Variants in TNFSF4 observed in about 807,000 individuals in gnomAD.
TNFSF4 encodes TNF superfamily member 4.
Under a neutral mutation model 7.3 loss-of-function variants are expected in TNFSF4, and 4 were observed. The ratio of observed to expected loss-of-function variants is 0.55; its 90% CI spans 0.27 to 1.25. The LOEUF is 1.25. Ranked by LOEUF, TNFSF4 falls within the 50% of genes most tolerant of loss-of-function variation. TNFSF4 has a pLI of 0.12. For missense variants in TNFSF4, 181 were observed against 208.8 expected (o/e 0.87, Z 0.82); for synonymous variants, 76 against 83.7 (o/e 0.91, Z 0.50).
chr1:173,338,354 G>A, the TNFSF4 span, among the ~76,000 whole-genome samples: 1 of 152,162 alleles, frequency 6.6e-6, no homozygotes, highest in East Asian at 1.9e-4. Flanking sequence ...CACTGCCATG[G>A]TATTTCAAAC....
the TNFSF4 span, chr1:173,363,019 T>C: frequency 2.6e-6 from 1 of 390,198 alleles, no homozygotes; most frequent in Non-Finnish European, 5.1e-6. Context: ...TGCCTTATCT[T>C]CAATAATAAG....
the TNFSF4 span, among the ~76,000 whole-genome samples, chr1:173,251,164 C>T: frequency 3.3e-5 from 5 of 152,140 alleles, no homozygotes; most frequent in African/African-American, 1.2e-4. Flanking sequence ...ACTATAAAGC[C>T]GCCAGGTGTT....
chr1:173,282,302 AC>A, the TNFSF4 span, among the ~76,000 whole-genome samples: 1 of 152,026 alleles, frequency 6.6e-6, no homozygotes, highest in African/African-American at 2.4e-5. Flanking sequence ...TATCATATGC[AC>A]CCCATAAGTA....
chr1:173,356,344 T>C, the TNFSF4 span, among the ~76,000 whole-genome samples: 1 of 152,112 alleles, frequency 6.6e-6, no homozygotes, highest in Non-Finnish European at 1.5e-5. Flanking sequence ...AGAAGAAAAA[T>C]TGTCTCTTCT....
chr1:173,439,056 G>C, the TNFSF4 span, among the ~76,000 whole-genome samples: 2 of 152,212 alleles, frequency 1.3e-5, no homozygotes, highest in Non-Finnish European at 2.9e-5. Context: ...AGAGAGAGGA[G>C]AGCTCTGTAT....
the TNFSF4 span, among the ~76,000 whole-genome samples, chr1:173,391,453 A>C: frequency 6.3e-5 from 7 of 111,454 alleles, no homozygotes; most frequent in Admixed American, 8.6e-5. Context: ...AAAAAAAAAA[A>C]AAAAAAAAAA....
the TNFSF4 span, among the ~76,000 whole-genome samples, chr1:173,384,007 C>A: frequency 1.3e-5 from 2 of 152,158 alleles, no homozygotes; most frequent in South Asian, 4.1e-4. Context: ...ATCTTCTTTA[C>A]CCCCCATTTT....
chr1:173,381,942 C>T, the TNFSF4 span, among the ~76,000 whole-genome samples: 3 of 152,160 alleles, frequency 2.0e-5, no homozygotes, highest in Non-Finnish European at 4.4e-5. Context: ...TGTAAGTGCA[C>T]CAATCAGTGC....
chr1:173,316,972 C>T, the TNFSF4 span, among the ~76,000 whole-genome samples: 2 of 152,264 alleles, frequency 1.3e-5, no homozygotes, highest in Non-Finnish European at 1.5e-5. Flanking sequence ...CATTGACAGT[C>T]CCATCTCTGT....
chr1:173,317,223 G>A, the TNFSF4 span, among the ~76,000 whole-genome samples: 3 of 152,192 alleles, frequency 2.0e-5, no homozygotes, highest in Non-Finnish European at 2.9e-5. Flanking sequence ...CAAGGAGCCA[G>A]ATACATGACT....
the TNFSF4 span, among the ~76,000 whole-genome samples, chr1:173,389,566 T>C: frequency 1.3e-5 from 2 of 152,146 alleles, no homozygotes; most frequent in South Asian, 4.1e-4. Context: ...AGCCTGACTT[T>C]ATAATATAGC....
At chr1:173,204,506 G>A (rs1296028684) in intron 1 of TNFSF4, among the ~76,000 whole-genome samples, 1 of 152,142 alleles carries the variant, frequency 6.6e-6, no homozygotes, top group Non-Finnish European at 1.5e-5. Flanking sequence ...AGCTATATCT[G>A]TATTTACAGA....
chr1:173,303,921 C>A, the TNFSF4 span, among the ~76,000 whole-genome samples: 2 of 151,810 alleles, frequency 1.3e-5, no homozygotes, highest in South Asian at 4.1e-4. Context: ...GTGAAAATAT[C>A]ATAATTATTT....
the TNFSF4 span, among the ~76,000 whole-genome samples, chr1:173,228,783 G>A: frequency 7.9e-5 from 12 of 152,204 alleles, no homozygotes; most frequent in African/African-American, 2.7e-4. Flanking sequence ...AGTGACGAAT[G>A]TGCAAGCTTC....
chr1:173,276,130 A>G, the TNFSF4 span, among the ~76,000 whole-genome samples: 14 of 152,298 alleles, frequency 9.2e-5, no homozygotes, highest in African/African-American at 7.2e-5. Flanking sequence ...CTAAGAATGA[A>G]AAACTAAAGA....
At chr1:173,363,974 C>T in the TNFSF4 span, among the ~76,000 whole-genome samples, 1 of 152,064 alleles carries the variant, frequency 6.6e-6, no homozygotes, top group African/African-American at 2.4e-5. Flanking sequence ...ATGTGAAAGC[C>T]AACCATTTTT....
At chr1:173,243,923 G>A in the TNFSF4 span, among the ~76,000 whole-genome samples, 1 of 152,194 alleles carries the variant, frequency 6.6e-6, no homozygotes, top group Non-Finnish European at 1.5e-5. Flanking sequence ...CTTAGAGTAG[G>A]CTAGGAAATG....
At chr1:173,409,054 G>A in the TNFSF4 span, among the ~76,000 whole-genome samples, 6 of 152,160 alleles carry the variant, frequency 3.9e-5, no homozygotes, top group African/African-American at 1.4e-4. Flanking sequence ...TGCACCACCT[G>A]TAGGATGCAA....
the TNFSF4 span, among the ~76,000 whole-genome samples, chr1:173,426,688 G>A: frequency 1.3e-5 from 2 of 151,986 alleles, no homozygotes; most frequent in Non-Finnish European, 2.9e-5. Context: ...TCAACCTCCC[G>A]GGCTCAAGCA....
Sources: gnomAD v4.1 joint callset for allele counts (sites outside exome capture counted in the v4.1 genomes callset) on GRCh38, gnomAD v4.1.1 for gene constraint, MANE v1.5 for transcripts, NCBI Gene and HGNC (gene_info 2026-07-23, HGNC 2026-07-21) for gene names.